The following MYBPC1 variants were observed in gnomAD, a reference collection of about 807,000 sequenced individuals.
MYBPC1 encodes myosin binding protein C1.
MYBPC1 carries 52 observed loss-of-function variants against 147.1 expected under a neutral mutation model. The observed-to-expected ratio is 0.35, with a 90% CI of 0.28 to 0.45. The LOEUF (loss-of-function observed/expected upper bound fraction) is 0.45. Ranked by LOEUF, MYBPC1 falls within the 20% of genes least tolerant of loss-of-function variation. The probability of loss-of-function intolerance (pLI) is 1.00; values close to 1 mark genes in which losing one functional copy is unlikely to be tolerated. For missense variants in MYBPC1, 1,228 were observed against 1,440.3 expected (o/e 0.85, Z 2.39); for synonymous variants, 477 against 475.9 (o/e 1.00, Z -0.03).
chr12:101,598,577 ATTT>A (rs1404313533), intron 1 of MYBPC1, among the ~76,000 whole-genome samples: 3 of 151,782 alleles, frequency 2.0e-5, no homozygotes, highest in African/African-American at 7.3e-5. Context: ...TTTTTTATTT[ATTT>A]TTTATCTTTT....
In MYBPC1 at chr12:101,675,373, A is replaced by C; in HGVS notation, c.2891A>C (p.Asp964Ala). 6.2e-7 allele frequency: 1 copy of C among 1,614,138 alleles called. No homozygotes were observed. Among genetic ancestry groups the C allele is most frequent in the Non-Finnish European group, 8.5e-7 (1 of 1,179,964 alleles). ...GCTCTCACATGGACTCCACCAAAGG[A>C]TGATGGAAATGCTGCTATCACAGGC... is the stretch of plus-strand genomic sequence containing the variant. ...NVALTWTPPK[D>A]DGNAAITGYT... is the part of the protein sequence containing the mutation. The change falls in exon 26 of 32, where the codon GAT (aspartate) becomes GCT (alanine). Residue 964 changes from aspartate to alanine, a missense_variant. Around this residue, in one of 2 missense-constraint regions of MYBPC1, gnomAD observed 1,077 missense variants for 1,314.2 expected, o/e 0.82. Coordinates refer to ENST00000361466, the MANE Select transcript of MYBPC1 (RefSeq NM_002465.4).
At position 101,631,585 on chromosome 12, in the gene MYBPC1, T is replaced by C; in HGVS notation, c.304T>C (p.Phe102Leu). The change falls in exon 7 of 32, where the codon TTC becomes CTC. Residue 102 changes from phenylalanine to leucine, a missense_variant. Phe to Leu is a conservative substitution (Grantham distance 22). Transcript: ENST00000361466. ...GTVKVGEDIT[F>L]IAKVKAEDLL... ...GCTTCTTCTAGGTGAAGATATCACC[T>C]TCATAGCCAAAGTCAAGGCTGAAGA... is the stretch of plus-strand genomic sequence containing the variant. 6.2e-7 allele frequency: 1 copy of C among 1,614,128 alleles called. No individual in the cohort carries two copies. Among genetic ancestry groups the C allele is most frequent in the Non-Finnish European group, 8.5e-7 (1 of 1,180,002 alleles).
chr12:101,672,713 G>A (rs1331057811), intron 24 of MYBPC1, among the ~76,000 whole-genome samples: 1 of 152,222 alleles, frequency 6.6e-6, no homozygotes, highest in South Asian at 2.1e-4. Flanking sequence ...GCCAAGCATG[G>A]TGGTGCGTGC....
At position 101,682,661 on chromosome 12, in the gene MYBPC1, A is replaced by G; in HGVS notation, c.3491A>G (p.Gln1164Arg). The G allele has an allele frequency of 6.2e-7, 1 of 1,611,656 alleles. No homozygotes were observed. Among genetic ancestry groups the G allele is most frequent in the Non-Finnish European group, 8.5e-7 (1 of 1,177,818 alleles). Residue 1164 changes from glutamine to arginine, a missense_variant and splice_region_variant, in exon 30 of 32, where the codon CAG becomes CGG. Gln to Arg is a conservative substitution (Grantham distance 43). Coordinates refer to ENST00000361466, the MANE Select transcript of MYBPC1 (RefSeq NM_002465.4). ...GQPVFLEGQQ[Q>R]SLHNKDF ...CCAGTCTTCCTGGAGGGGCAGCAACAGGTTTAAAAAGTTTATATCCCACTG... is the reference window on the plus strand; with the variant it reads ...CCAGTCTTCCTGGAGGGGCAGCAACGGGTTTAAAAAGTTTATATCCCACTG...
At chr12:101,647,035 C>CA (rs1565950993) in intron 13 of MYBPC1, 148 bp downstream of exon 13, 1 of 1,009,760 alleles carries the variant, frequency 9.9e-7, no homozygotes, top group East Asian at 2.5e-5. Context: ...AAGACTAGAA[C>CA]AGCAGAGGGG....
rs115617016 is a variant in MYBPC1 at position 101,682,183 on chromosome 12, T to C, written c.3434-421T>C. On this transcript the variant is annotated intron_variant, in intron 29 of 31. Transcript: ENST00000361466. ...AGTATTGTTGATGCTTTTGTTTCAA[T>C]ATCCCCCCAAAAAACAAAAACTAAA... Among the ~76,000 whole-genome samples, 805 of 152,092 alleles carry C rather than the reference T, an allele frequency of 5.3e-3. 6 individuals carry two copies. The highest frequency in any genetic ancestry group is 0.018 in the African/African-American group (747 of 41,492).
rs759220214 is a variant in MYBPC1, at chr12:101,669,928, G to GAAAAAA, written c.2525-387_2525-382dup. 136 of 177,620 alleles carry GAAAAAA rather than the reference G, an allele frequency of 7.7e-4. 1 individual carries two copies. Among genetic ancestry groups the GAAAAAA allele is most frequent in the East Asian group, 2.8e-3 (13 of 4,608 alleles). 11.0% of individuals were successfully genotyped at this position (177,620 alleles called of 1,614,324 possible). ...CCTGGGCGACAGAGAGAGACTCTCT[G>GAAAAAA]AAAAAAAAAAAGAAAAAAAAAAAGA... On this transcript the variant is annotated intron_variant, in intron 23 of 31. Coordinates refer to ENST00000361466, the MANE Select transcript of MYBPC1 (RefSeq NM_002465.4).
chr12:101,635,236 A>T, intron 9 of MYBPC1, among the ~76,000 whole-genome samples: 1 of 152,184 alleles, frequency 6.6e-6, no homozygotes, highest in South Asian at 2.1e-4. Flanking sequence ...TCTCTGAGAA[A>T]TATAACCAGC....
intron 6 of MYBPC1, among the ~76,000 whole-genome samples, chr12:101,630,486 T>A (rs1373010490): frequency 6.6e-6 from 1 of 152,198 alleles, no homozygotes; most frequent in Non-Finnish European, 1.5e-5. Flanking sequence ...CTGTGAAGTA[T>A]TTTGAACAGT....
intron 29 of MYBPC1, 42 bp downstream of exon 29, chr12:101,680,571 A>C: frequency 1.2e-6 from 2 of 1,600,274 alleles, no homozygotes; most frequent in Non-Finnish European, 1.7e-6. Flanking sequence ...AAGTTAAAGA[A>C]AATCATTGAA....
At chr12:101,614,144 C>T (rs1410667890) in intron 1 of MYBPC1, among the ~76,000 whole-genome samples, 1 of 152,166 alleles carries the variant, frequency 6.6e-6, no homozygotes, top group Non-Finnish European at 1.5e-5. Flanking sequence ...AGGCTCAGCA[C>T]AAGTAAATGC....
intron 2 of MYBPC1, 45 bp downstream of exon 2, chr12:101,614,576 G>A: frequency 6.2e-7 from 1 of 1,603,476 alleles, no homozygotes; most frequent in African/African-American, 1.3e-5. Context: ...TGCAAATACA[G>A]AGGGTCCATC....
chr12:101,644,982 C>T (rs1892766860), intron 12 of MYBPC1, among the ~76,000 whole-genome samples, 186 bp downstream of exon 12: 1 of 152,058 alleles, frequency 6.6e-6, no homozygotes, highest in Non-Finnish European at 1.5e-5. Flanking sequence ...ATAAACTAAA[C>T]CTTTTTTTAT....
intron 22 of MYBPC1, 39 bp from the exon 23 acceptor site, chr12:101,667,693 G>A (rs375647727): frequency 1.2e-4 from 192 of 1,611,346 alleles, no homozygotes; most frequent in Middle Eastern, 4.9e-4. Context: ...TCACTAAACA[G>A]CATTCCTCCT....
At chr12:101,637,460 A>G (rs1258551192) in intron 10 of MYBPC1, among the ~76,000 whole-genome samples, 1 of 152,102 alleles carries the variant, frequency 6.6e-6, no homozygotes, top group Non-Finnish European at 1.5e-5. Context: ...TTCCCTATAT[A>G]TATACTATAT....
intron 18 of MYBPC1, 115 bp from the exon 19 acceptor site, chr12:101,659,557 A>G (rs1896170380): frequency 9.2e-7 from 1 of 1,087,192 alleles, no homozygotes; most frequent in South Asian, 1.3e-5. Context: ...AATACACTAT[A>G]TAATCTATAC....
chr12:101,603,671 A>G (rs1881030312), intron 1 of MYBPC1, among the ~76,000 whole-genome samples: 2 of 151,972 alleles, frequency 1.3e-5, no homozygotes, highest in South Asian at 2.1e-4. Flanking sequence ...ATCAGGTACA[A>G]TGGCTCATGC....
chr12:101,668,618 G>A lies in MYBPC1; in HGVS notation c.2524+719G>A, dbSNP rs1175497208. Among the ~76,000 whole-genome samples, 8 of 151,918 alleles carry A rather than the reference G, an allele frequency of 5.3e-5. No individual in the cohort carries two copies. The East Asian group carries it at 1.4e-3, about 26-fold the overall frequency. On this transcript the variant is annotated intron_variant, in intron 23 of 31. Transcript: ENST00000361466. The stretch of plus-strand genomic sequence containing the variant: ...TGGGATTATAGACATGCACCACTAC[G>A]CCTGGCTAATTTTTTTGGTATTTTT...
chr12:101,682,588 T>G lies in MYBPC1; in HGVS notation c.3434-16T>G. 1 of 1,607,650 alleles carries G rather than the reference T, an allele frequency of 6.2e-7. No homozygotes were observed. Among genetic ancestry groups the G allele is most frequent in the Non-Finnish European group, 8.5e-7 (1 of 1,174,316 alleles). Reference sequence around the variant, plus strand: ...GAGAATAAATAAATACTGGTACAAATATTCTGATTCTGCAGTGATATATCA... The same window carrying G: ...GAGAATAAATAAATACTGGTACAAAGATTCTGATTCTGCAGTGATATATCA... On this transcript the variant is annotated splice_polypyrimidine_tract_variant and intron_variant, in intron 29 of 31. Transcript: ENST00000361466.
Sources: gnomAD v4.1 joint callset for allele counts (sites outside exome capture counted in the v4.1 genomes callset) on GRCh38, gnomAD v4.1.1 for gene constraint, gnomAD v4.1.1 regional missense constraint, MANE v1.5 for transcripts, NCBI Gene and HGNC (gene_info 2026-07-23, HGNC 2026-07-21) for gene names.